Variants in NHEJ1 observed in about 807,000 individuals in gnomAD.
NHEJ1 encodes non-homologous end-joining factor 1.
A neutral mutation model predicts 39.4 loss-of-function variants in NHEJ1; 22 were observed. The observed-to-expected ratio is 0.56, with a 90% CI of 0.40 to 0.80. NHEJ1 has a LOEUF of 0.80. Among genes scored for constraint, NHEJ1 ranks in the 30% least tolerant of loss-of-function variants. NHEJ1 has a pLI of 0.00. For synonymous variants in NHEJ1, 154 were observed against 135.6 expected (o/e 1.14, Z -0.94); for missense variants, 329 against 357.1 (o/e 0.92, Z 0.63).
chr2:219,156,807 C>A (rs1949859138), intron 3 of NHEJ1, among the ~76,000 whole-genome samples: 1 of 152,194 alleles, frequency 6.6e-6, no homozygotes, highest in Non-Finnish European at 1.5e-5. Context: ...CCAGAATAAT[C>A]TTGATAAACC....
chr2:219,144,220 T>C (rs1454137974), intron 5 of NHEJ1, among the ~76,000 whole-genome samples: 1 of 152,052 alleles, frequency 6.6e-6, no homozygotes, highest in Non-Finnish European at 1.5e-5. Context: ...TCATAATCTG[T>C]ATAAAATCCC....
intron 5 of NHEJ1, among the ~76,000 whole-genome samples, chr2:219,105,828 C>T (rs546468809): frequency 4.9e-4 from 75 of 152,246 alleles, no homozygotes; most frequent in Non-Finnish European, 8.4e-4. Context: ...TCCCATGGTA[C>T]GTTACTTGGA....
In NHEJ1 at chr2:219,074,261, ACAATTTTGAG is replaced by A. The variant is rs2106317500; in HGVS notation, c.*2110_*2119del. On this transcript the variant is annotated 3_prime_UTR_variant, in exon 8 of 8. Coordinates refer to ENST00000356853, the MANE Select transcript of NHEJ1 (RefSeq NM_024782.3). ...AAATTTTGCTCTTAAGATTTTACCT[ACAATTTTGAG>A]GGATTCACAGGCCTCTGGCCCCGCT... Among the ~76,000 whole-genome samples the A allele has an allele frequency of 6.6e-6, 1 of 152,300 alleles. No homozygotes were observed. Among genetic ancestry groups the A allele is most frequent in the East Asian group, 1.9e-4 (1 of 5,190 alleles).
At chr2:219,105,515 C>T (rs182278037) in intron 5 of NHEJ1, among the ~76,000 whole-genome samples, 16 of 152,284 alleles carry the variant, frequency 1.1e-4, no homozygotes, top group African/African-American at 3.4e-4. Flanking sequence ...TCTGCCACTG[C>T]CTCTAGAACA....
At chr2:219,138,142 A>G (rs1949654067) in intron 5 of NHEJ1, among the ~76,000 whole-genome samples, 2 of 152,210 alleles carry the variant, frequency 1.3e-5, no homozygotes, top group South Asian at 4.1e-4. Flanking sequence ...GGTACATGGT[A>G]AAAGGGTAGC....
At chr2:219,154,844 A>G (rs1949834695) in intron 3 of NHEJ1, among the ~76,000 whole-genome samples, 1 of 148,208 alleles carries the variant, frequency 6.7e-6, no homozygotes, top group African/African-American at 2.5e-5. Context: ...TTCTTTACAT[A>G]CTTTTATATT....
chr2:219,078,068 G>T, intron 6 of NHEJ1, 21 bp downstream of exon 6: 1 of 1,538,766 alleles, frequency 6.5e-7, no homozygotes, highest in Non-Finnish European at 9.0e-7. Context: ...CACACAGACC[G>T]GGTACCTCTG....
intron 5 of NHEJ1, among the ~76,000 whole-genome samples, chr2:219,088,981 T>A (rs930117519): frequency 2.0e-5 from 3 of 151,968 alleles, no homozygotes; most frequent in Non-Finnish European, 4.4e-5. Flanking sequence ...CCTGGCTAAT[T>A]TTTTCTTTTT....
intron 3 of NHEJ1, among the ~76,000 whole-genome samples, chr2:219,148,610 GT>G (rs1949764981): frequency 1.3e-5 from 2 of 152,040 alleles, no homozygotes. Flanking sequence ...GAAGATCCAA[GT>G]AGCCCTCAAG....
At chr2:219,151,724 T>C (rs1448752608) in intron 3 of NHEJ1, among the ~76,000 whole-genome samples, 4 of 152,106 alleles carry the variant, frequency 2.6e-5, no homozygotes, top group Non-Finnish European at 5.9e-5. Flanking sequence ...CCCAGCACTT[T>C]GGGAAGCTGA....
At chr2:219,141,310 G>A (rs2106358002) in intron 5 of NHEJ1, among the ~76,000 whole-genome samples, 1 of 151,826 alleles carries the variant, frequency 6.6e-6, no homozygotes, top group African/African-American at 2.4e-5. Flanking sequence ...AACCCAGGAG[G>A]CAGAGGTTAC....
intron 5 of NHEJ1, among the ~76,000 whole-genome samples, chr2:219,133,685 T>C (rs1949598956): frequency 6.6e-6 from 1 of 152,224 alleles, no homozygotes; most frequent in South Asian, 2.1e-4. Context: ...TGTAACCATC[T>C]GACTCTCTTT....
At chr2:219,155,991 T>TA (rs1949851232) in intron 3 of NHEJ1, among the ~76,000 whole-genome samples, 1 of 151,166 alleles carries the variant, frequency 6.6e-6, no homozygotes, top group African/African-American at 2.4e-5. Flanking sequence ...GGCTCACACC[T>TA]GTAATCCCAG....
intron 5 of NHEJ1, among the ~76,000 whole-genome samples, chr2:219,124,001 G>A (rs1035423619): frequency 6.6e-6 from 1 of 152,174 alleles, no homozygotes; most frequent in South Asian, 2.1e-4. Context: ...AGAGGGAGAA[G>A]GAAATAGGAG....
intron 5 of NHEJ1, among the ~76,000 whole-genome samples, chr2:219,144,753 C>T (rs1427990382): frequency 6.6e-6 from 1 of 152,004 alleles, no homozygotes; most frequent in African/African-American, 2.4e-5. Flanking sequence ...TAAGAACAAG[C>T]CTTGCATTGT....
chr2:219,072,968 C>T lies in NHEJ1; in HGVS notation c.*3413G>A, dbSNP rs575921022. 3.3e-5 allele frequency among the ~76,000 whole-genome samples: 5 copies of T among 152,150 alleles called. No homozygotes were observed. Among genetic ancestry groups the T allele is most frequent in the Non-Finnish European group, 5.9e-5 (4 of 68,026 alleles). On this transcript the variant is annotated 3_prime_UTR_variant, in exon 8 of 8. Coordinates refer to ENST00000356853, the MANE Select transcript of NHEJ1 (RefSeq NM_024782.3). ...ACACAAGGGGCCCCTGCTTATCTCC[C>T]AACAAACGTGGGCTAAGGAGGAGGT... is the stretch of plus-strand genomic sequence containing the variant.
At chr2:219,078,264 A>G (rs899409286) in intron 5 of NHEJ1, 58 bp from the exon 6 acceptor site, 49 of 1,387,438 alleles carry the variant, frequency 3.5e-5, no homozygotes, top group Non-Finnish European at 4.5e-5. Context: ...GAAGCGATCT[A>G]ATACCCCACA....
intron 5 of NHEJ1, among the ~76,000 whole-genome samples, chr2:219,133,846 T>C (rs1288007959): frequency 6.6e-6 from 1 of 152,138 alleles, no homozygotes; most frequent in Non-Finnish European, 1.5e-5. Flanking sequence ...CATCCACAAA[T>C]CCCACAGAAA....
chr2:219,129,909 C>T (rs1949561548), intron 5 of NHEJ1, among the ~76,000 whole-genome samples: 1 of 151,848 alleles, frequency 6.6e-6, no homozygotes, highest in Non-Finnish European at 1.5e-5. Context: ...TTTTTACTGC[C>T]GAGGTTTCTC....
Sources: gnomAD v4.1 joint callset for allele counts (sites outside exome capture counted in the v4.1 genomes callset) on GRCh38, gnomAD v4.1.1 for gene constraint, MANE v1.5 for transcripts, NCBI Gene and HGNC (gene_info 2026-07-23, HGNC 2026-07-21) for gene names.